The following GAB1 variants were observed in gnomAD, a reference collection of about 807,000 sequenced individuals.
The protein encoded by GAB1 is GRB2-associated-binding protein 1.
A neutral mutation model predicts 66.5 loss-of-function variants in GAB1; 19 were observed. The observed-to-expected ratio is 0.29, with a 90% CI of 0.20 to 0.42. The LOEUF is 0.42. Among genes scored for constraint, GAB1 ranks in the 10% least tolerant of loss-of-function variants. The probability of loss-of-function intolerance (pLI) is 1.00; values close to 1 mark genes in which losing one functional copy is unlikely to be tolerated. For synonymous variants in GAB1, 294 were observed against 301.4 expected (o/e 0.98, Z 0.25); for missense variants, 732 against 858.5 (o/e 0.85, Z 1.84).
chr4:143,392,853 G>A (rs1260281712), intron 1 of GAB1, among the ~76,000 whole-genome samples: 1 of 152,122 alleles, frequency 6.6e-6, no homozygotes, highest in Non-Finnish European at 1.5e-5. Context: ...CTATCCATCT[G>A]TAAAGAAGAT....
intron 2 of GAB1, 113 bp downstream of exon 2, chr4:143,415,884 A>T: frequency 8.3e-6 from 7 of 844,614 alleles, no homozygotes; most frequent in Non-Finnish European, 1.1e-5. Context: ...TTATTTTTAT[A>T]ATAGGAACTT....
intron 1 of GAB1, among the ~76,000 whole-genome samples, chr4:143,398,212 T>G (rs922852293): frequency 1.3e-5 from 2 of 152,252 alleles, no homozygotes; most frequent in African/African-American, 4.8e-5. Flanking sequence ...AGCTCACTGC[T>G]TTTAGAACCT....
chr4:143,350,772 A>G (rs1487836855), intron 1 of GAB1, among the ~76,000 whole-genome samples: 2 of 152,072 alleles, frequency 1.3e-5, no homozygotes, highest in Admixed American at 6.5e-5. Context: ...ATATTTAAAA[A>G]TATGTATTTA....
chr4:143,379,254 C>T (rs1730555900), intron 1 of GAB1, among the ~76,000 whole-genome samples: 1 of 152,076 alleles, frequency 6.6e-6, no homozygotes, highest in South Asian at 2.1e-4. Flanking sequence ...AGGAAACAGG[C>T]AGAGCAATAA....
At chr4:143,350,848 T>C (rs1328824815) in intron 1 of GAB1, among the ~76,000 whole-genome samples, 1 of 152,216 alleles carries the variant, frequency 6.6e-6, no homozygotes, top group Non-Finnish European at 1.5e-5. Flanking sequence ...GCACATTTCT[T>C]CATGATGTTT....
intron 1 of GAB1, among the ~76,000 whole-genome samples, chr4:143,389,558 T>G (rs1731086478): frequency 2.0e-5 from 3 of 152,158 alleles, no homozygotes; most frequent in African/African-American, 7.2e-5. Context: ...AGGGGTCTCT[T>G]TTCTTGTGGT....
intron 1 of GAB1, among the ~76,000 whole-genome samples, chr4:143,399,939 T>A (rs1390956086): frequency 6.1e-5 from 8 of 130,904 alleles, no homozygotes; most frequent in African/African-American, 1.1e-4. Flanking sequence ...TGAGTCTTGC[T>A]CTTTTTTTTT....
intron 1 of GAB1, among the ~76,000 whole-genome samples, chr4:143,396,413 T>C (rs536029298): frequency 1.9e-4 from 29 of 152,050 alleles, no homozygotes; most frequent in Non-Finnish European, 2.6e-4. Flanking sequence ...TGGAAGGGCA[T>C]GAGGAGAGAT....
At chr4:143,372,301 C>G (rs968915758) in intron 1 of GAB1, among the ~76,000 whole-genome samples, 4 of 152,140 alleles carry the variant, frequency 2.6e-5, no homozygotes, top group Admixed American at 1.3e-4. Flanking sequence ...CTTTTGGTCC[C>G]TTTATGACAT....
Position 143,470,904 on chromosome 4 carries a change from G to A in GAB1, c.*1715G>A, listed in dbSNP as rs1736046723. 1 of 152,126 alleles carries A rather than the reference G, an allele frequency of 6.6e-6. No homozygotes were observed. The highest frequency in any genetic ancestry group is 6.6e-5 in the Admixed American group (1 of 15,266). 9.4% of individuals were successfully genotyped at this position (152,126 alleles called of 1,614,324 possible). On this transcript the variant is annotated 3_prime_UTR_variant, in exon 10 of 10. Transcript: ENST00000262994. ...TAACATTTGATGCTTTTAAATATTTGCTTCTTTTTAAACAAAAACTAAAAC... is the reference window on the plus strand; with the variant it reads ...TAACATTTGATGCTTTTAAATATTTACTTCTTTTTAAACAAAAACTAAAAC...
chr4:143,464,372 G>A (rs529200771), intron 8 of GAB1, among the ~76,000 whole-genome samples: 229 of 152,106 alleles, frequency 1.5e-3, no homozygotes, highest in Admixed American at 4.4e-3. Flanking sequence ...GGGATTACAG[G>A]TGCCCACCAC....
chr4:143,372,133 T>A (rs1440185273), intron 1 of GAB1, among the ~76,000 whole-genome samples: 2 of 152,020 alleles, frequency 1.3e-5, no homozygotes, highest in Non-Finnish European at 2.9e-5. Context: ...AAGACCAGCC[T>A]GGCCAACATG....
chr4:143,419,992 T>C (rs1477971278), intron 2 of GAB1, among the ~76,000 whole-genome samples: 1 of 152,172 alleles, frequency 6.6e-6, no homozygotes, highest in African/African-American at 2.4e-5. Flanking sequence ...ACTGCTATTA[T>C]CCTTTGTAAT....
intron 1 of GAB1, among the ~76,000 whole-genome samples, chr4:143,400,110 GT>G (rs1731688818): frequency 6.6e-6 from 1 of 151,840 alleles, no homozygotes; most frequent in East Asian, 1.9e-4. Flanking sequence ...CTGGCTCATT[GT>G]TTTGTATTTT....
chr4:143,425,614 G>A (rs538282766), intron 2 of GAB1: 13 of 762,128 alleles, frequency 1.7e-5, no homozygotes, highest in Admixed American at 3.4e-5. Context: ...ACCATTTCCC[G>A]TGAACATCCA....
intron 2 of GAB1, among the ~76,000 whole-genome samples, chr4:143,422,565 GTTTC>G (rs1181035313): frequency 6.6e-6 from 1 of 152,142 alleles, no homozygotes; most frequent in African/African-American, 2.4e-5. Context: ...ACCATTTGGG[GTTTC>G]TTTAAGTAAT....
intron 2 of GAB1, among the ~76,000 whole-genome samples, chr4:143,419,482 A>T (rs1732897537): frequency 6.6e-6 from 1 of 152,154 alleles, no homozygotes. Flanking sequence ...TGACTTGTGA[A>T]CTTTTCATCT....
intron 1 of GAB1, among the ~76,000 whole-genome samples, chr4:143,355,036 C>T (rs1353566837): frequency 3.9e-5 from 6 of 152,054 alleles, no homozygotes; most frequent in Non-Finnish European, 1.5e-5. Flanking sequence ...TTTTCTAAAC[C>T]ATGTACTTCC....
chr4:143,380,293 A>G (rs1188319114), intron 1 of GAB1, among the ~76,000 whole-genome samples: 1 of 152,084 alleles, frequency 6.6e-6, no homozygotes, highest in Non-Finnish European at 1.5e-5. Flanking sequence ...TTTTATTTCA[A>G]GATATTCTTA....
Sources: gnomAD v4.1 joint callset for allele counts (sites outside exome capture counted in the v4.1 genomes callset) on GRCh38, gnomAD v4.1.1 for gene constraint, MANE v1.5 for transcripts, NCBI Gene and HGNC (gene_info 2026-07-23, HGNC 2026-07-21) for gene names.